The following FHIP2A variants were observed in gnomAD, a reference collection of about 807,000 sequenced individuals.
FHIP2A encodes the protein FHF complex subunit HOOK interacting protein 2A, also known as family with sequence similarity 160 member B1.
Under a neutral mutation model 93.5 loss-of-function variants are expected in FHIP2A, and 46 were observed. The observed-to-expected ratio is 0.49, with a 90% CI of 0.39 to 0.63. The LOEUF (loss-of-function observed/expected upper bound fraction) is 0.63, where lower values mean the gene tolerates loss of function less well. FHIP2A is among the 20% of genes least tolerant of loss of function. The pLI, the probability that FHIP2A is intolerant of heterozygous loss-of-function variation, is 0.00. For missense variants in FHIP2A, 769 were observed against 909.7 expected (o/e 0.85, Z 1.99); for synonymous variants, 332 against 326.5 (o/e 1.02, Z -0.18).
intron 16 of FHIP2A, among the ~76,000 whole-genome samples, chr10:114,895,087 G>A (rs1282905499): frequency 6.6e-6 from 1 of 152,174 alleles, no homozygotes; most frequent in Non-Finnish European, 1.5e-5. Context: ...AATCTCATGT[G>A]AATAGACAGT....
intron 13 of FHIP2A, among the ~76,000 whole-genome samples, chr10:114,850,589 A>G (rs1375809970): frequency 6.6e-6 from 1 of 152,156 alleles, no homozygotes; most frequent in Non-Finnish European, 1.5e-5. Flanking sequence ...AGTTCCAGCT[A>G]TTGGGGAAGC....
chr10:114,876,307 G>A (rs1392808954), intron 16 of FHIP2A, among the ~76,000 whole-genome samples: 1 of 152,164 alleles, frequency 6.6e-6, no homozygotes, highest in Non-Finnish European at 1.5e-5. Flanking sequence ...TCCGACCTTT[G>A]GCACTGAGCC....
chr10:114,878,545 G>A (rs113378224), intron 16 of FHIP2A, among the ~76,000 whole-genome samples: 7 of 152,286 alleles, frequency 4.6e-5, no homozygotes, highest in African/African-American at 1.2e-4. Context: ...TTGGGAGGCC[G>A]AGGTGGGTGG....
chr10:114,857,827 A>G (rs1038983734), intron 14 of FHIP2A, among the ~76,000 whole-genome samples: 1 of 152,234 alleles, frequency 6.6e-6, no homozygotes, highest in Non-Finnish European at 1.5e-5. Flanking sequence ...GAAAAAATTC[A>G]TAATACAAAC....
intron 12 of FHIP2A, among the ~76,000 whole-genome samples, 164 bp from the exon 13 acceptor site, chr10:114,848,483 T>C (rs1294808033): frequency 6.6e-6 from 1 of 152,210 alleles, no homozygotes; most frequent in Non-Finnish European, 1.5e-5. Flanking sequence ...TTTCCATTTG[T>C]ATTAATACTT....
At chr10:114,888,009 A>G (rs1338591822) in intron 16 of FHIP2A, among the ~76,000 whole-genome samples, 1 of 152,212 alleles carries the variant, frequency 6.6e-6, no homozygotes, top group Non-Finnish European at 1.5e-5. Flanking sequence ...GGAGAGGGAC[A>G]TCAGAGTATT....
Position 114,855,305 on chromosome 10 carries a change from G to A in FHIP2A, c.1912G>A (p.Val638Met). Reference sequence around the variant, plus strand: ...TTTCTTTGAAGGTCATTTTTTGAAAGTGCTGTTCGACAGAATGGGAAGAAT... The same window carrying A: ...TTTCTTTGAAGGTCATTTTTTGAAAATGCTGTTCGACAGAATGGGAAGAAT... ...AAFFEGHFLK[V>M]LFDRMGRILD... The change falls in exon 14 of 17, where the codon GTG becomes ATG. Residue 638 changes from valine (V) to methionine (M), a missense_variant. By Grantham distance (21) the Val-to-Met change is conservative (BLOSUM62 1). Transcript: ENST00000369248. The A allele has an allele frequency of 6.2e-7, 1 of 1,613,966 alleles. No homozygotes were observed. Among genetic ancestry groups the A allele is most frequent in the Non-Finnish European group, 8.5e-7 (1 of 1,179,886 alleles).
chr10:114,874,649 C>T (rs1002016991), intron 16 of FHIP2A, among the ~76,000 whole-genome samples: 3 of 152,184 alleles, frequency 2.0e-5, no homozygotes, highest in Non-Finnish European at 2.9e-5. Context: ...ATTACAGGCG[C>T]GTGCCACCAT....
At position 114,843,042 on chromosome 10, in the gene FHIP2A, A is replaced by C; in HGVS notation, c.632A>C (p.Glu211Ala). The C allele has an allele frequency of 6.2e-7, 1 of 1,614,136 alleles. No homozygotes were observed. Among genetic ancestry groups the C allele is most frequent in the Non-Finnish European group, 8.5e-7 (1 of 1,179,978 alleles). ...GATACAGGACAGTCCCGTCAACCAG[A>C]GGAACTATCTGGTGCTACTGGAATG... ...STDTGQSRQP[E>A]ELSGATGMEQ... Residue 211 changes from glutamate to alanine, a missense_variant, in exon 6 of 17, where the codon GAG becomes GCG. Physicochemically the swap from Glu to Ala is moderately radical, Grantham distance 107. Transcript: ENST00000369248.
downstream of FHIP2A, chr10:114,864,786 A>G: frequency 1.3e-6 from 1 of 778,340 alleles, no homozygotes; most frequent in Non-Finnish European, 1.6e-6. Flanking sequence ...ACAATTTTTA[A>G]CTTTTTGCAC....
At chr10:114,892,696 T>C (rs2083981888) in intron 16 of FHIP2A, among the ~76,000 whole-genome samples, 1 of 151,940 alleles carries the variant, frequency 6.6e-6, no homozygotes, top group Non-Finnish European at 1.5e-5. Flanking sequence ...CTAATTAGGA[T>C]TGAACAAAAT....
At chr10:114,874,765 A>G (rs1390110107) in intron 16 of FHIP2A, among the ~76,000 whole-genome samples, 1 of 152,168 alleles carries the variant, frequency 6.6e-6, no homozygotes, top group African/African-American at 2.4e-5. Context: ...CTGCCTCCCA[A>G]AGTTCTGGGA....
chr10:114,846,036 A>C lies in FHIP2A; in HGVS notation c.1152A>C (p.Lys384Asn), dbSNP rs547391667. 57 of 1,614,012 alleles carry C rather than the reference A, an allele frequency of 3.5e-5. 1 individual carries two copies. In the South Asian group the frequency reaches 6.3e-4, roughly 18 times the overall value. Residue 384 changes from lysine to asparagine, a missense_variant, in exon 9 of 17, where the codon AAA becomes AAC. Transcript: ENST00000369248. Reference protein sequence around the residue: ...AQKTAAVALAKAVHERFFIGV... With the variant: ...AQKTAAVALANAVHERFFIGV... ...AGACTGCTGCTGTTGCTCTTGCCAA[A>C]GCTGTTCATGAAAGATTTTTCATTG...
intron 14 of FHIP2A, among the ~76,000 whole-genome samples, chr10:114,860,382 C>T (rs946588111): frequency 4.6e-5 from 7 of 151,972 alleles, no homozygotes; most frequent in East Asian, 1.9e-4. Context: ...GACAGAGTTT[C>T]GCTCTTGTTG....
rs2083814125 is a variant in FHIP2A, at chr10:114,863,757, G to A, written c.*2217G>A. ...CTTCTGTTGACAGCTGAATATTTCT[G>A]TTACTCAGTACTTGCAAAAACAGTA... On this transcript the variant is annotated 3_prime_UTR_variant, in exon 17 of 17. Coordinates refer to ENST00000369248, the MANE Select transcript of FHIP2A (RefSeq NM_020940.4). 2 of 1,280,830 alleles carry A rather than the reference G, an allele frequency of 1.6e-6. No individual in the cohort carries two copies. The highest frequency in any genetic ancestry group is 1.5e-5 in the African/African-American group (1 of 64,652). The allele number at this position is 1,280,830 out of a possible 1,614,324, so 79.3% of individuals were successfully genotyped here.
intron 16 of FHIP2A, among the ~76,000 whole-genome samples, chr10:114,870,695 G>A (rs1412535156): frequency 5.9e-5 from 9 of 152,104 alleles, no homozygotes; most frequent in Non-Finnish European, 1.0e-4. Context: ...GGGCTCTGAC[G>A]AGGAGAGGGG....
chr10:114,837,496 C>T (rs905004244), intron 5 of FHIP2A, among the ~76,000 whole-genome samples: 1 of 152,200 alleles, frequency 6.6e-6, no homozygotes, highest in Non-Finnish European at 1.5e-5. Context: ...GCCTGGGCAA[C>T]AGTGTGAGAC....
intron 14 of FHIP2A, among the ~76,000 whole-genome samples, chr10:114,857,979 C>A (rs770593182): frequency 4.6e-5 from 7 of 152,188 alleles, no homozygotes; most frequent in Non-Finnish European, 1.0e-4. Context: ...TGAATTTGAT[C>A]AAGTAACTTA....
chr10:114,847,288 A>C (rs999342947), intron 12 of FHIP2A, 55 bp downstream of exon 12: 201 of 1,500,112 alleles, frequency 1.3e-4, no homozygotes, highest in Non-Finnish European at 1.8e-4. Context: ...GTTTTTGTTT[A>C]TTAGTATTAT....
Sources: gnomAD v4.1 joint callset for allele counts (sites outside exome capture counted in the v4.1 genomes callset) on GRCh38, gnomAD v4.1.1 for gene constraint, MANE v1.5 for transcripts, NCBI Gene and HGNC (gene_info 2026-07-23, HGNC 2026-07-21) for gene names.